The following CDK14 variants were observed in gnomAD, a reference collection of about 807,000 sequenced individuals.
The protein encoded by CDK14 is cyclin-dependent kinase 14.
Under a neutral mutation model 60.7 loss-of-function variants are expected in CDK14, and 34 were observed. That is an observed-to-expected ratio of 0.56 (90% CI 0.43 to 0.75). The LOEUF is 0.75. Among genes scored for constraint, CDK14 ranks in the 30% least tolerant of loss-of-function variants. CDK14 has a pLI of 0.00. For missense variants in CDK14, 482 were observed against 564.1 expected (o/e 0.85, Z 1.47); for synonymous variants, 197 against 203.7 (o/e 0.97, Z 0.28).
At chr7:90,641,884 C>G (rs1278180407) in intron 2 of CDK14, among the ~76,000 whole-genome samples, 4 of 152,142 alleles carry the variant, frequency 2.6e-5, no homozygotes, top group Admixed American at 2.6e-4. Flanking sequence ...GCCTCACAAT[C>G]ATGGCAGAAG....
intron 2 of CDK14, among the ~76,000 whole-genome samples, chr7:90,639,611 G>A (rs572045105): frequency 7.2e-4 from 109 of 150,434 alleles, no homozygotes; most frequent in Non-Finnish European, 5.9e-5. Flanking sequence ...CAGTCTGCCC[G>A]TTCTCAGATC....
intron 9 of CDK14, among the ~76,000 whole-genome samples, chr7:90,983,572 C>G (rs948587137): frequency 6.6e-6 from 1 of 151,084 alleles, no homozygotes. Context: ...CCCAGCTACT[C>G]GGGAGGCTGA....
chr7:90,806,198 T>C (rs564626287), intron 5 of CDK14, among the ~76,000 whole-genome samples: 1 of 152,282 alleles, frequency 6.6e-6, no homozygotes, highest in South Asian at 2.1e-4. Context: ...GGAAATCTGG[T>C]AGAAAATTTT....
At chr7:90,649,364 C>CTTT (rs1393347015) in intron 2 of CDK14, among the ~76,000 whole-genome samples, 6 of 26,782 alleles carry the variant, frequency 2.2e-4, no homozygotes, top group Non-Finnish European at 3.1e-4. Context: ...TTCCTTCCTT[C>CTTT]CTTTCCTTCC....
chr7:90,880,892 TCAA>T (rs368427970), intron 6 of CDK14, among the ~76,000 whole-genome samples: 13 of 151,716 alleles, frequency 8.6e-5, no homozygotes, highest in African/African-American at 2.7e-4. Context: ...AACAACAGCA[TCAA>T]CAACAACAAC....
At chr7:90,995,787 T>TCTCAGAATGA (rs111943362) in intron 10 of CDK14, among the ~76,000 whole-genome samples, 1 of 152,036 alleles carries the variant, frequency 6.6e-6, no homozygotes, top group Non-Finnish European at 1.5e-5. Context: ...CAGGAGTATG[T>TCTCAGAATGA]CTTAGAGTTA....
intron 14 of CDK14, among the ~76,000 whole-genome samples, chr7:91,122,339 G>A (rs1397880996): frequency 1.3e-5 from 2 of 152,162 alleles, no homozygotes; most frequent in East Asian, 1.9e-4. Flanking sequence ...TTTCCTGTAA[G>A]TAGGCTGTTA....
At chr7:91,115,674 T>A (rs1799585826) in intron 13 of CDK14, among the ~76,000 whole-genome samples, 1 of 152,164 alleles carries the variant, frequency 6.6e-6, no homozygotes, top group Admixed American at 6.5e-5. Flanking sequence ...TACAAGTAGA[T>A]TTGAGCCTTC....
intron 8 of CDK14, among the ~76,000 whole-genome samples, chr7:90,955,223 T>C (rs1335984070): frequency 2.6e-5 from 4 of 152,172 alleles, no homozygotes; most frequent in African/African-American, 4.8e-5. Flanking sequence ...AGGACAATTC[T>C]TTGGGGAAAG....
At position 90,630,793 on chromosome 7, in the gene CDK14, C is replaced by T. The variant is rs565983914; in HGVS notation, c.123+26544C>T. The stretch of plus-strand genomic sequence containing the variant: ...TGAATTTTTTTTACTTTTTTAAAAT[C>T]CAAATTTACCCATTAAAAGTGGTTG... On this transcript the variant is annotated intron_variant, in intron 2 of 14. Transcript: ENST00000380050. Among the ~76,000 whole-genome samples the T allele has an allele frequency of 9.2e-5, 14 of 151,356 alleles. No individual in the cohort carries two copies. The South Asian group carries it at 2.7e-3, about 29-fold the overall frequency.
In CDK14 at chr7:90,901,107, C is replaced by G. The variant is rs887151098; in HGVS notation, c.702+1754C>G. Among the ~76,000 whole-genome samples, 3 of 152,142 alleles carry G rather than the reference C, an allele frequency of 2.0e-5. No individual in the cohort carries two copies. The East Asian group carries it at 5.8e-4, about 29-fold the overall frequency. ...GGCTGTACCTCTAGAAACTGTCTCA[C>G]CAGCTCTTATTCAAGCTTTGTGTGC... On this transcript the variant is annotated intron_variant, in intron 7 of 14. Coordinates refer to ENST00000380050, the MANE Select transcript of CDK14 (RefSeq NM_001287135.2).
intron 14 of CDK14, among the ~76,000 whole-genome samples, chr7:91,176,015 A>G (rs1801736721): frequency 6.6e-6 from 1 of 152,214 alleles, no homozygotes; most frequent in Admixed American, 6.5e-5. Context: ...CATTCTTTTC[A>G]GCACCACACC....
intron 2 of CDK14, among the ~76,000 whole-genome samples, chr7:90,624,913 A>G (rs1584749421): frequency 1.3e-5 from 2 of 152,194 alleles, no homozygotes; most frequent in Admixed American, 6.5e-5. Context: ...CTCCTTGGCT[A>G]TGTGAAGCTT....
At chr7:90,978,691 C>A (rs10953028) in intron 9 of CDK14, among the ~76,000 whole-genome samples, 34,582 of 151,888 alleles carry the variant, frequency 0.23, 4,213 homozygotes, top group Middle Eastern at 0.31. Flanking sequence ...AAAATCACTC[C>A]ACATATTTTC....
rs529247352 is a variant in CDK14 at position 90,927,560 on chromosome 7, G to C, written c.826+9836G>C. Among the ~76,000 whole-genome samples the C allele has an allele frequency of 2.0e-5, 3 of 152,182 alleles. No individual in the cohort carries two copies. In the East Asian group the frequency reaches 5.8e-4, roughly 29 times the overall value. On this transcript the variant is annotated intron_variant, in intron 8 of 14. Coordinates refer to ENST00000380050, the MANE Select transcript of CDK14 (RefSeq NM_001287135.2). ...GACAGTACACAGCTGTAGTGCAAGTGGTGGTGTAACAGAAGTACTAAAGTA... is the reference window on the plus strand; with the variant it reads ...GACAGTACACAGCTGTAGTGCAAGTCGTGGTGTAACAGAAGTACTAAAGTA...
intron 2 of CDK14, among the ~76,000 whole-genome samples, chr7:90,641,653 G>A (rs914590347): frequency 8.9e-6 from 1 of 112,026 alleles, no homozygotes; most frequent in Non-Finnish European, 2.1e-5. Flanking sequence ...TGATGGGGTG[G>A]GGTGGGGGAT....
intron 2 of CDK14, among the ~76,000 whole-genome samples, chr7:90,650,405 G>A (rs2116473815): frequency 6.6e-6 from 1 of 152,238 alleles, no homozygotes; most frequent in Admixed American, 6.5e-5. Flanking sequence ...CCATTCTGGA[G>A]GTTGCCTTTT....
At chr7:90,837,238 G>T (rs1231545336) in intron 5 of CDK14, among the ~76,000 whole-genome samples, 1 of 151,660 alleles carries the variant, frequency 6.6e-6, no homozygotes, top group Non-Finnish European at 1.5e-5. Context: ...TTGTTATTAG[G>T]CTTGCTACAC....
intron 2 of CDK14, among the ~76,000 whole-genome samples, chr7:90,639,984 T>G (rs903567569): frequency 7.2e-5 from 11 of 152,102 alleles, no homozygotes; most frequent in African/African-American, 2.4e-4. Flanking sequence ...AGCGCAGTAT[T>G]CGGGTGGGAG....
Sources: allele counts gnomAD v4.1 joint callset (sites outside exome capture counted in the v4.1 genomes callset), GRCh38; gene constraint gnomAD v4.1.1; transcripts MANE v1.5; gene names NCBI Gene and HGNC (gene_info 2026-07-23, HGNC 2026-07-21).